The following TMPRSS7 variants were observed in gnomAD, a reference collection of about 807,000 sequenced individuals.
TMPRSS7 encodes the protein transmembrane serine protease 7, also known as transmembrane protease serine 7.
In TMPRSS7, 81 loss-of-function variants were observed where a neutral mutation model predicts 95.6. The ratio of observed to expected loss-of-function variants is 0.85; its 90% confidence interval spans 0.71 to 1.02. The LOEUF is 1.02. Among genes scored for constraint, TMPRSS7 ranks in the 50% least tolerant of loss-of-function variants. The pLI is 0.00. For synonymous variants in TMPRSS7, 364 were observed against 337.8 expected, an observed-to-expected ratio of 1.08 and a Z score of -0.85; for missense variants, 945 against 955.2, an observed-to-expected ratio of 0.99 and a Z score of 0.14.
At chr3:112,069,844 C>T (rs1042969430) in intron 13 of TMPRSS7, among the ~76,000 whole-genome samples, 6 of 151,844 alleles carry the variant, frequency 4.0e-5, no homozygotes, top group Non-Finnish European at 7.4e-5. Context: ...CTGCTCTGAT[C>T]TTAGTTATTT....
chr3:112,073,586 G>A (rs2073678113), intron 13 of TMPRSS7, among the ~76,000 whole-genome samples: 2 of 152,132 alleles, frequency 1.3e-5, no homozygotes, highest in South Asian at 4.1e-4. Context: ...TGATGGGGTT[G>A]TCTGTTTTTT....
At chr3:112,067,947 G>C (rs2073596625) in intron 13 of TMPRSS7, among the ~76,000 whole-genome samples, 1 of 152,102 alleles carries the variant, frequency 6.6e-6, no homozygotes, top group South Asian at 2.1e-4. Flanking sequence ...TTTCTTCTAG[G>C]GACTTTATGG....
intron 7 of TMPRSS7, among the ~76,000 whole-genome samples, chr3:112,049,464 A>T (rs1012757932): frequency 5.3e-5 from 8 of 152,212 alleles, no homozygotes; most frequent in Non-Finnish European, 1.0e-4. Flanking sequence ...TGGTGCTTAC[A>T]AAGATTTAAG....
intron 17 of TMPRSS7, among the ~76,000 whole-genome samples, chr3:112,080,198 A>C (rs1380776758): frequency 6.6e-6 from 1 of 152,258 alleles, no homozygotes; most frequent in East Asian, 1.9e-4. Context: ...ATTATAATTT[A>C]AAGGACTAAT....
intron 12 of TMPRSS7, among the ~76,000 whole-genome samples, chr3:112,065,126 G>A (rs1183350363): frequency 1.3e-5 from 2 of 152,044 alleles, no homozygotes; most frequent in African/African-American, 2.4e-5. Context: ...CTGCAGCGTC[G>A]AACTCCTGGG....
chr3:112,046,742 A>T (rs1196342683), intron 5 of TMPRSS7, among the ~76,000 whole-genome samples: 1 of 152,188 alleles, frequency 6.6e-6, no homozygotes, highest in Non-Finnish European at 1.5e-5. Context: ...AGTATAGTGA[A>T]CTCTCATACA....
exon 15 of TMPRSS7, chr3:112,075,425 T>C: frequency 1.3e-6 from 2 of 1,554,568 alleles, no homozygotes; most frequent in Non-Finnish European, 1.7e-6. Context: ...TGGATCTGCC[T>C]ACTGTGGTGC....
chr3:112,075,091 TC>T (rs1424786381), intron 14 of TMPRSS7, among the ~76,000 whole-genome samples: 1 of 152,220 alleles, frequency 6.6e-6, no homozygotes, highest in Non-Finnish European at 1.5e-5. Flanking sequence ...GTCCCCCTCC[TC>T]CTCTCATCTG....
chr3:112,069,261 A>G (rs1047881186), intron 13 of TMPRSS7, among the ~76,000 whole-genome samples: 1 of 152,210 alleles, frequency 6.6e-6, no homozygotes. Flanking sequence ...ATCAATGTTC[A>G]TCTGGGGTAT....
intron 10 of TMPRSS7, among the ~76,000 whole-genome samples, chr3:112,059,077 C>T (rs2073469121): frequency 6.6e-6 from 1 of 152,152 alleles, no homozygotes; most frequent in African/African-American, 2.4e-5. Context: ...CTGGAAGAAG[C>T]CTAATGATCT....
intron 13 of TMPRSS7, among the ~76,000 whole-genome samples, chr3:112,070,720 G>T (rs1369967735): frequency 1.3e-5 from 2 of 152,134 alleles, no homozygotes; most frequent in Non-Finnish European, 2.9e-5. Context: ...GCCTATGTCT[G>T]TCTCTGTACA....
At chr3:112,066,401 A>G (rs542121220) in exon 13 of TMPRSS7, 1 of 1,613,900 alleles carries the variant, frequency 6.2e-7, no homozygotes, top group South Asian at 1.1e-5. Context: ...GTGAGCCCTC[A>G]ACCTGCCTGC....
intron 16 of TMPRSS7, 72 bp downstream of exon 16, chr3:112,077,216 G>A (rs990273341): frequency 2.0e-6 from 3 of 1,533,226 alleles, no homozygotes; most frequent in African/African-American, 1.4e-5. Context: ...GTGCTTTAGG[G>A]TTCACAGAGA....
At chr3:112,049,597 C>G (rs1181892031) in intron 7 of TMPRSS7, among the ~76,000 whole-genome samples, 2 of 152,174 alleles carry the variant, frequency 1.3e-5, no homozygotes, top group African/African-American at 4.8e-5. Flanking sequence ...GCCCAAGGAG[C>G]ATACAGTGAC....
chr3:112,047,976 C>A lies in TMPRSS7; in HGVS notation c.959+9C>A. 1 of 1,605,822 alleles carries A rather than the reference C, an allele frequency of 6.2e-7. No individual in the cohort carries two copies. The highest frequency in any genetic ancestry group is 8.5e-7 in the Non-Finnish European group (1 of 1,172,548). On this transcript the variant is annotated intron_variant, in intron 7 of 17. Coordinates refer to ENST00000452346, the Ensembl canonical transcript of TMPRSS7. ...AGCAGCATCTTGTACAGGTACGATG[C>A]AGGTACTCTTCTTGGTGGGTAAAAA...
In TMPRSS7 at chr3:112,081,160, C is replaced by T. The variant is rs563379313; in HGVS notation, c.*76C>T. ...AAATGATGCAGTAATTGGCTGGGTG[C>T]GCTGGCTCACACCTGTAATCCCAGC... On this transcript the variant is annotated 3_prime_UTR_variant, in exon 18 of 18. Transcript: ENST00000452346. 59 of 1,424,156 alleles carry T rather than the reference C, an allele frequency of 4.1e-5. No individual in the cohort carries two copies. The African/African-American group carries it at 5.1e-4, about 12-fold the overall frequency. 88.2% of individuals were successfully genotyped at this position (1,424,156 alleles called of 1,614,324 possible).
intron 13 of TMPRSS7, among the ~76,000 whole-genome samples, chr3:112,070,054 C>T (rs1055843625): frequency 6.6e-6 from 1 of 152,192 alleles, no homozygotes. Flanking sequence ...TTTCAAAGAA[C>T]ATCTTTATTT....
intron 11 of TMPRSS7, 95 bp from the exon 12 acceptor site, chr3:112,063,430 C>T: frequency 2.2e-6 from 2 of 905,576 alleles, no homozygotes; most frequent in South Asian, 2.9e-5. Flanking sequence ...CTGCCAACTC[C>T]CTAACCACTT....
exon 16 of TMPRSS7, chr3:112,077,101 G>A (rs1237156962): frequency 3.7e-6 from 6 of 1,614,138 alleles, no homozygotes; most frequent in South Asian, 3.3e-5. Context: ...TTCGCAGTGG[G>A]GAGAAGTGCT....
Sources: gnomAD v4.1 joint callset for allele counts (sites outside exome capture counted in the v4.1 genomes callset) on GRCh38, gnomAD v4.1.1 for gene constraint, MANE v1.5 for transcripts, NCBI Gene and HGNC (gene_info 2026-07-23, HGNC 2026-07-21) for gene names.